SCN11A: variants seen among roughly 807,000 people sequenced by gnomAD.
SCN11A encodes sodium channel protein type 11 subunit alpha.
SCN11A carries 122 observed loss-of-function variants against 162.2 expected under a neutral mutation model. The observed-to-expected ratio is 0.75, with a 90% confidence interval of 0.65 to 0.87. SCN11A has a LOEUF of 0.87. Ranked by LOEUF, SCN11A falls within the 40% of genes least tolerant of loss-of-function variation. The pLI is 0.00. For missense variants in SCN11A, 2,015 were observed against 2,181.6 expected, an observed-to-expected ratio of 0.92 and a Z score of 1.52; for synonymous variants, 758 against 751.5, an observed-to-expected ratio of 1.01 and a Z score of -0.14.
At chr3:38,923,312 G>A (rs1019594122) in intron 9 of SCN11A, among the ~76,000 whole-genome samples, 4 of 152,130 alleles carry the variant, frequency 2.6e-5, no homozygotes, top group Admixed American at 6.5e-5. Flanking sequence ...TAGATCTCAC[G>A]GCTTTAAATA....
chr3:38,893,109 C>G (rs1167348009), intron 19 of SCN11A, among the ~76,000 whole-genome samples: 1 of 152,056 alleles, frequency 6.6e-6, no homozygotes, highest in Non-Finnish European at 1.5e-5. Context: ...TATACACTGT[C>G]TGCAGAGGAC....
intron 2 of SCN11A, among the ~76,000 whole-genome samples, chr3:38,990,039 G>A (rs1559566155): frequency 6.6e-6 from 1 of 152,120 alleles, no homozygotes; most frequent in East Asian, 1.9e-4. Context: ...CACTCTAATT[G>A]ACTTCCAGGC....
At position 38,903,196 on chromosome 3, in the gene SCN11A, T is replaced by C. The variant is rs1029254758; in HGVS notation, c.1842+669A>G. On this transcript the variant is annotated intron_variant, in intron 16 of 29. Transcript: ENST00000302328. ...GGGTAGATCATCCCGTGGGCAATTA[T>C]TTGTTGTTTCTGATATTCGAGGGAC... Among the ~76,000 whole-genome samples, 16 of 152,294 alleles carry C rather than the reference T, an allele frequency of 1.1e-4. No individual in the cohort carries two copies. In the South Asian group the frequency reaches 1.2e-3, roughly 12 times the overall value.
chr3:38,984,275 A>G (rs1385788521), intron 2 of SCN11A, among the ~76,000 whole-genome samples: 1 of 152,214 alleles, frequency 6.6e-6, no homozygotes, highest in Non-Finnish European at 1.5e-5. Flanking sequence ...CAGAGCTGCT[A>G]GTATCTGCCT....
intron 4 of SCN11A, among the ~76,000 whole-genome samples, chr3:38,951,020 C>G (rs948335260): frequency 6.6e-6 from 1 of 152,262 alleles, no homozygotes; most frequent in Non-Finnish European, 1.5e-5. Flanking sequence ...TCGCTCTAGG[C>G]GCCTCCTCTG....
chr3:38,889,807 TAA>T (rs2065466903), intron 19 of SCN11A, among the ~76,000 whole-genome samples: 1 of 21,914 alleles, frequency 4.6e-5, no homozygotes, highest in Non-Finnish European at 7.7e-5. Context: ...CTCAAAAAAA[TAA>T]AATAAAATAA....
intron 17 of SCN11A, 21 bp from the exon 18 acceptor site, chr3:38,897,246 C>G (rs1210229068): frequency 2.6e-6 from 4 of 1,565,006 alleles, no homozygotes; most frequent in Non-Finnish European, 3.4e-6. Flanking sequence ...AGACAACAAA[C>G]AAAAATGGAA....
intron 28 of SCN11A, among the ~76,000 whole-genome samples, chr3:38,851,667 G>T (rs2064781790): frequency 6.6e-6 from 1 of 152,154 alleles, no homozygotes; most frequent in Non-Finnish European, 1.5e-5. Context: ...TACAATCTGT[G>T]TACATATTGT....
chr3:39,003,807 T>C lies in SCN11A; in HGVS notation c.-280+28573A>G, dbSNP rs528699657. On this transcript the variant is annotated intron_variant, in intron 2 of 29. Coordinates refer to ENST00000302328, the MANE Select transcript of SCN11A (RefSeq NM_001349253.2). The stretch of plus-strand genomic sequence containing the variant: ...GATATTAAACTTTTCTTCATATGCT[T>C]GTTGGCCGCACATATGTCTTCTTTT... Among the ~76,000 whole-genome samples, 344 of 152,372 alleles carry C rather than the reference T, an allele frequency of 2.3e-3. 1 individual carries two copies. Among genetic ancestry groups the C allele is most frequent in the African/African-American group, 7.9e-3 (327 of 41,578 alleles).
chr3:38,868,965 C>T (rs2065083253), intron 26 of SCN11A, among the ~76,000 whole-genome samples: 1 of 152,118 alleles, frequency 6.6e-6, no homozygotes, highest in Admixed American at 6.6e-5. Context: ...GAGTAGACTG[C>T]CAGGGACCAT....
chr3:38,986,361 A>G (rs1171435275), intron 2 of SCN11A, among the ~76,000 whole-genome samples: 1 of 152,140 alleles, frequency 6.6e-6, no homozygotes, highest in African/African-American at 2.4e-5. Flanking sequence ...ATACAAATGG[A>G]TCAAAGGGAA....
At chr3:38,942,418 T>C (rs750312040) in intron 7 of SCN11A, among the ~76,000 whole-genome samples, 104 of 152,154 alleles carry the variant, frequency 6.8e-4, no homozygotes, top group Non-Finnish European at 1.3e-3. Flanking sequence ...TCCAAGTGCA[T>C]GTGAAACATT....
chr3:39,045,110 A>G (rs1353420104), intron 1 of SCN11A, among the ~76,000 whole-genome samples: 1 of 152,158 alleles, frequency 6.6e-6, no homozygotes, highest in Non-Finnish European at 1.5e-5. Flanking sequence ...GAAATAGAAA[A>G]CCTGAACAAA....
At chr3:38,924,135 A>G (rs940900912) in intron 9 of SCN11A, among the ~76,000 whole-genome samples, 2 of 151,500 alleles carry the variant, frequency 1.3e-5, no homozygotes, top group African/African-American at 2.4e-5. Context: ...TGCTTCTCCC[A>G]TCTCCCCTAC....
intron 2 of SCN11A, among the ~76,000 whole-genome samples, chr3:39,023,133 T>TA (rs2031496643): frequency 6.6e-6 from 1 of 152,176 alleles, no homozygotes; most frequent in South Asian, 2.1e-4. Context: ...GATCAAGCAA[T>TA]ATGATTTCTG....
In SCN11A at chr3:38,900,088, A is replaced by G. The variant is rs757112697; in HGVS notation, c.1843-15T>C. The G allele has an allele frequency of 6.2e-7, 1 of 1,608,610 alleles. No homozygotes were observed. Among genetic ancestry groups the G allele is most frequent in the East Asian group, 2.2e-5 (1 of 44,794 alleles). The stretch of plus-strand genomic sequence containing the variant: ...CTAGTGAAAACCTAGAGTGGGACAA[A>G]GAAGAATGAGAGAAGGAAGCTGCGG... On this transcript the variant is annotated splice_polypyrimidine_tract_variant and intron_variant, in intron 16 of 29. Coordinates refer to ENST00000302328, the MANE Select transcript of SCN11A (RefSeq NM_001349253.2).
At chr3:38,889,472 C>T (rs1172216368) in intron 19 of SCN11A, among the ~76,000 whole-genome samples, 4 of 151,550 alleles carry the variant, frequency 2.6e-5, no homozygotes, top group African/African-American at 9.7e-5. Flanking sequence ...TAGTGCAAGG[C>T]CTGTCACATG....
chr3:38,968,361 G>T (rs902930497), intron 2 of SCN11A, among the ~76,000 whole-genome samples: 1 of 152,236 alleles, frequency 6.6e-6, no homozygotes, highest in African/African-American at 2.4e-5. Flanking sequence ...CAGAGAGATG[G>T]AGGTCAGGCA....
chr3:38,917,854 A>G (rs1575289540), intron 11 of SCN11A, among the ~76,000 whole-genome samples: 1 of 152,172 alleles, frequency 6.6e-6, no homozygotes, highest in Non-Finnish European at 1.5e-5. Flanking sequence ...AATTACCACT[A>G]AAGAACTTAT....
Sources: gnomAD v4.1 joint callset for allele counts (sites outside exome capture counted in the v4.1 genomes callset) on GRCh38, gnomAD v4.1.1 for gene constraint, MANE v1.5 for transcripts, NCBI Gene and HGNC (gene_info 2026-07-23, HGNC 2026-07-21) for gene names.